Variants in SCLY observed in about 807,000 individuals in gnomAD.
SCLY encodes selenocysteine lyase, also known as putative selenocysteine lyase.
A neutral mutation model predicts 50.1 loss-of-function variants in SCLY; 38 were observed. The ratio of observed to expected loss-of-function variants is 0.76; its 90% CI spans 0.59 to 0.99. SCLY has a LOEUF of 0.99. SCLY is among the 50% of genes least tolerant of loss of function. The pLI, the probability that SCLY is intolerant of heterozygous loss-of-function variation, is 0.00. For synonymous variants in SCLY, 243 were observed against 249.4 expected, an observed-to-expected ratio of 0.97 and a Z score of 0.24; for missense variants, 600 against 620.0, an observed-to-expected ratio of 0.97 and a Z score of 0.34.
chr2:238,061,706 G>C (rs1051582851), intron 1 of SCLY, among the ~76,000 whole-genome samples: 1 of 152,126 alleles, frequency 6.6e-6, no homozygotes, highest in African/African-American at 2.4e-5. Flanking sequence ...CGGATGCGTT[G>C]GTAGGAAGCT....
At chr2:238,092,118 C>T (rs1011893855) in intron 8 of SCLY, 1 of 152,272 alleles carries the variant, frequency 6.6e-6, no homozygotes, top group Non-Finnish European at 1.5e-5. Context: ...TGGAGTCTCA[C>T]TCTGTCACCC....
At chr2:238,082,422 G>C (rs1183971229) in intron 6 of SCLY, among the ~76,000 whole-genome samples, 1 of 152,230 alleles carries the variant, frequency 6.6e-6, no homozygotes, top group Non-Finnish European at 1.5e-5. Flanking sequence ...ATGATGGGGG[G>C]GGTGCCCAGC....
chr2:238,081,448 T>C (rs2065235443), intron 4 of SCLY: 2 of 406,068 alleles, frequency 4.9e-6, no homozygotes, highest in Non-Finnish European at 9.0e-6. Context: ...CTCTTCCGTC[T>C]CCGTAGAAGC....
At position 238,069,596 on chromosome 2, in the gene SCLY, A is replaced by G; in HGVS notation, c.484+119A>G. 2.2e-6 allele frequency: 2 copies of G among 902,548 alleles called. No homozygotes were observed. The highest frequency in any genetic ancestry group is 3.2e-6 in the Non-Finnish European group (2 of 617,908). 55.9% of individuals were successfully genotyped at this position (902,548 alleles called of 1,614,324 possible). A position where few individuals can be genotyped will look rare whatever the true frequency, so the allele number is the denominator to read the frequency against. On this transcript the variant is annotated intron_variant, in intron 4 of 11. Coordinates refer to ENST00000254663, the MANE Select transcript of SCLY (RefSeq NM_016510.7). The surrounding 1 kb of genome is among the most constrained non-coding windows in gnomAD (Gnocchi z 5.0). The stretch of plus-strand genomic sequence containing the variant: ...GAGATGTAGATTCAGTGTGCCACTC[A>G]CTGTAACTCACTGGTTCTGATGAGG...
In SCLY at chr2:238,098,269, G is replaced by A. The variant is rs1262954310; in HGVS notation, c.1252G>A (p.Val418Met). The change falls in exon 12 of 12, where the codon GTG (valine) becomes ATG (methionine). Residue 418 changes from valine to methionine, a missense_variant. Physicochemically the swap from Val to Met is conservative, Grantham distance 21. Coordinates refer to ENST00000254663, the MANE Select transcript of SCLY (RefSeq NM_016510.7). ...GGCCAGGAACGCGCTCCGGCTCAGCGTGGGCCGCAGCACCACCAGGGCCGA... is the reference window on the plus strand; with the variant it reads ...GGCCAGGAACGCGCTCCGGCTCAGCATGGGCCGCAGCACCACCAGGGCCGA... ...DVARNALRLS[V>M]GRSTTRAEVD... The A allele has an allele frequency of 2.5e-6, 4 of 1,610,264 alleles. No homozygotes were observed. Among genetic ancestry groups the A allele is most frequent in the Admixed American group, 1.7e-5 (1 of 59,952 alleles).
At position 238,076,725 on chromosome 2, in the gene SCLY, A is replaced by ATT. The variant is rs1559245181; in HGVS notation, c.485-4984_485-4983insTT. 2.8e-4 allele frequency among the ~76,000 whole-genome samples: 36 copies of ATT among 129,756 alleles called. No individual in the cohort carries two copies. In the East Asian group the frequency reaches 8.4e-3, roughly 30 times the overall value. The allele number at this position is 129,756 out of a possible 152,430, so 85.1% of individuals were successfully genotyped here. On this transcript the variant is annotated intron_variant, in intron 4 of 11. Transcript: ENST00000254663. ...AATTATCAATAAAAAAATAAATTAA[A>ATT]AAAAAAAAAAAAAGAGTGTATTGTT...
rs951684292 is a variant in SCLY, at chr2:238,096,391, G to A, written c.1109-410G>A. On this transcript the variant is annotated intron_variant, in intron 10 of 11. Transcript: ENST00000254663. ...ATTACATCAGCAGTCATTAATGGCT[G>A]TGCTTGTGAAAGAAGAGGGAAATGC... is the stretch of plus-strand genomic sequence containing the variant. Among the ~76,000 whole-genome samples the A allele has an allele frequency of 2.6e-5, 4 of 152,220 alleles. No individual in the cohort carries two copies. In the South Asian group the frequency reaches 6.2e-4, roughly 24 times the overall value.
chr2:238,091,551 ATTC>A, intron 8 of SCLY: 15 of 404,404 alleles, frequency 3.7e-5, no homozygotes, highest in South Asian at 7.7e-5. Flanking sequence ...CAGGTTCACC[ATTC>A]CCAAAGGCGT....
At position 238,082,157 on chromosome 2, in the gene SCLY, G is replaced by A. The variant is rs762846716; in HGVS notation, c.725G>A (p.Arg242His). ...TDAAQALGKQ[R>H]VDVEDLGVDF... ...GCTGCACAGGCCTTGGGGAAGCAGC[G>A]CGTGGATGTGGAGGACCTGGGCGTG... Residue 242 changes from arginine (R) to histidine (H), a missense_variant, in exon 6 of 12, where the codon CGC becomes CAC. Coordinates refer to ENST00000254663, the MANE Select transcript of SCLY (RefSeq NM_016510.7). The A allele has an allele frequency of 2.7e-5, 44 of 1,612,312 alleles. No homozygotes were observed. In the Middle Eastern group the frequency reaches 6.3e-4, roughly 23 times the overall value.
intron 10 of SCLY, among the ~76,000 whole-genome samples, chr2:238,096,462 C>G (rs923090859): frequency 6.6e-6 from 1 of 152,244 alleles, no homozygotes; most frequent in Non-Finnish European, 1.5e-5. Flanking sequence ...ATCCAGAACA[C>G]AGGTGGAGAC....
At chr2:238,072,262 G>A (rs1172337191) in intron 4 of SCLY, among the ~76,000 whole-genome samples, 1 of 152,066 alleles carries the variant, frequency 6.6e-6, no homozygotes, top group Non-Finnish European at 1.5e-5. Flanking sequence ...TTGTCTATCT[G>A]TACCACATTT....
Position 238,081,743 on chromosome 2 carries a change from G to A in SCLY, c.519G>A (p.Gly173=). 6.2e-7 allele frequency: 1 copy of A among 1,614,228 alleles called. No homozygotes were observed. The highest frequency in any genetic ancestry group is 8.5e-7 in the Non-Finnish European group (1 of 1,180,036). The change falls in exon 5 of 12, where the codon GGG becomes GGA. Residue 173 remains glycine (G), a synonymous_variant. Coordinates refer to ENST00000254663, the MANE Select transcript of SCLY (RefSeq NM_016510.7). ...VTFVPVSKVS[G]QAEVDDILAA... ...TTGTCCCGGTGTCCAAGGTGAGCGG[G>A]CAGGCAGAGGTGGACGACATCCTCG...
intron 4 of SCLY, chr2:238,080,759 C>T (rs958208767): frequency 6.6e-6 from 1 of 152,286 alleles, no homozygotes; most frequent in African/African-American, 2.4e-5. Context: ...GGGAGCAGGG[C>T]GTGTTCGGAC....
chr2:238,073,444 C>A (rs897043087), intron 4 of SCLY, among the ~76,000 whole-genome samples: 1 of 152,212 alleles, frequency 6.6e-6, no homozygotes, highest in Non-Finnish European at 1.5e-5. Flanking sequence ...TGAATTTGGT[C>A]AGTATTGCTA....
chr2:238,088,076 CA>C (rs1454085322), intron 7 of SCLY, among the ~76,000 whole-genome samples: 1 of 152,156 alleles, frequency 6.6e-6, no homozygotes, highest in Non-Finnish European at 1.5e-5. Context: ...GTTTGGGTGA[CA>C]AAGTGAGACT....
intron 4 of SCLY, among the ~76,000 whole-genome samples, chr2:238,077,303 C>T (rs1377623194): frequency 6.6e-6 from 1 of 152,170 alleles, no homozygotes; most frequent in Non-Finnish European, 1.5e-5. Flanking sequence ...TATAGTCATT[C>T]CAACTGTCTT....
intron 11 of SCLY, among the ~76,000 whole-genome samples, chr2:238,097,117 G>A (rs573177837): frequency 0.016 from 2,393 of 150,532 alleles, 61 homozygotes; most frequent in African/African-American, 0.055. Flanking sequence ...GAAGGCGGAG[G>A]GAGGGCAGGG....
In SCLY at chr2:238,091,146, A is replaced by G. The variant is rs376117955; in HGVS notation, c.885-72A>G. On this transcript the variant is annotated intron_variant, in intron 7 of 11. Coordinates refer to ENST00000254663, the MANE Select transcript of SCLY (RefSeq NM_016510.7). ...GTGAGTTTGATTTTATTTTAACACA[A>G]TGACTTTCATGGAGACAGGATTCCT... The G allele has an allele frequency of 4.9e-5, 65 of 1,327,510 alleles. No homozygotes were observed. The African/African-American group carries it at 7.8e-4, about 16-fold the overall frequency. 82.2% of individuals were successfully genotyped at this position (1,327,510 alleles called of 1,614,324 possible).
Position 238,064,368 on chromosome 2 carries a change from T to C in SCLY, c.101T>C (p.Met34Thr). The change falls in exon 2 of 12, where the codon ATG becomes ACG. Residue 34 changes from methionine to threonine, a missense_variant. Met to Thr is a moderately conservative substitution (Grantham distance 81). Coordinates refer to ENST00000254663, the MANE Select transcript of SCLY (RefSeq NM_016510.7). ...KHNSPERKVYMDYNATTPLEP... is the reference protein window; with the variant it reads ...KHNSPERKVYTDYNATTPLEP... The stretch of plus-strand genomic sequence containing the variant: ...TTTCTTTCCTTCAGGAAAGTTTATA[T>C]GGACTATAATGCAACGACTCCCCTG... The C allele has an allele frequency of 1.2e-6, 2 of 1,600,276 alleles. No individual in the cohort carries two copies. The highest frequency in any genetic ancestry group is 8.5e-7 in the Non-Finnish European group (1 of 1,174,636).
Sources: allele counts gnomAD v4.1 joint callset (sites outside exome capture counted in the v4.1 genomes callset), GRCh38; gene constraint gnomAD v4.1.1; non-coding constraint Gnocchi (gnomAD v3.1); transcripts MANE v1.5; gene names NCBI Gene and HGNC (gene_info 2026-07-23, HGNC 2026-07-21).